KCNN2: variants seen among roughly 807,000 people sequenced by gnomAD.
KCNN2 encodes the protein potassium calcium-activated channel subfamily N member 2.
Under a neutral mutation model 55.5 loss-of-function variants are expected in KCNN2, and 24 were observed. That is an observed-to-expected ratio of 0.43 (90% confidence interval 0.31 to 0.61). The LOEUF (loss-of-function observed/expected upper bound fraction) is 0.61. KCNN2 is among the 20% of genes least tolerant of loss of function. The pLI, the probability that KCNN2 is intolerant of heterozygous loss-of-function variation, is 0.08. For synonymous variants in KCNN2, 431 were observed against 336.1 expected (o/e 1.28, Z -3.09); for missense variants, 754 against 853.6 (o/e 0.88, Z 1.45).
intron 2 of KCNN2, among the ~76,000 whole-genome samples, chr5:114,228,873 G>A (rs938934059): frequency 4.6e-5 from 7 of 151,744 alleles, no homozygotes; most frequent in East Asian, 3.9e-4. Flanking sequence ...CTTTAAAAGC[G>A]TTTTGCTTTC....
intron 1 of KCNN2, among the ~76,000 whole-genome samples, chr5:114,084,204 G>A (rs1482148246): frequency 1.3e-5 from 2 of 152,048 alleles, no homozygotes; most frequent in Non-Finnish European, 2.9e-5. Context: ...GTAGAAGCAT[G>A]ATTACTGTAT....
In KCNN2 at chr5:114,363,002, C is replaced by A; in HGVS notation, c.863C>A (p.Ser288Tyr). The change falls in exon 1 of 8, where the codon TCC becomes TAC. Residue 288 changes from serine to tyrosine, a missense_variant. Transcript: ENST00000673685. The part of the protein sequence containing the change: ...IVVSKPEHNN[S>Y]NNLALYGTGG... ...GTGTCTAAGCCCGAGCACAACAACT[C>A]CAACAACCTGGCGCTCTATGGAACC... is the stretch of plus-strand genomic sequence containing the variant. 1.3e-6 allele frequency: 2 copies of A among 1,596,412 alleles called. No homozygotes were observed. Among genetic ancestry groups the A allele is most frequent in the South Asian group, 1.1e-5 (1 of 90,140 alleles).
intron 3 of KCNN2, among the ~76,000 whole-genome samples, chr5:114,460,857 A>G (rs549358808): frequency 6.6e-6 from 1 of 152,328 alleles, no homozygotes; most frequent in South Asian, 2.1e-4. Flanking sequence ...GTATCACATC[A>G]GTGTATGAAT....
At chr5:114,289,178 C>G (rs2150016684) in intron 2 of KCNN2, among the ~76,000 whole-genome samples, 1 of 152,178 alleles carries the variant, frequency 6.6e-6, no homozygotes, top group East Asian at 1.9e-4. Flanking sequence ...TATTTCTGAA[C>G]TCTTAGTTCT....
chr5:114,432,586 TGAG>T (rs1213088810), intron 3 of KCNN2, among the ~76,000 whole-genome samples: 3 of 152,190 alleles, frequency 2.0e-5, no homozygotes, highest in Non-Finnish European at 2.9e-5. Flanking sequence ...TGGTGGCACT[TGAG>T]GAGCCCTTCA....
intron 2 of KCNN2, among the ~76,000 whole-genome samples, chr5:114,246,476 GT>G (rs1417740057): frequency 6.6e-6 from 1 of 152,006 alleles, no homozygotes; most frequent in Non-Finnish European, 1.5e-5. Flanking sequence ...GAACTTTATT[GT>G]TTATAGAGTA....
At chr5:114,432,702 C>T (rs933071671) in intron 3 of KCNN2, among the ~76,000 whole-genome samples, 24 of 152,154 alleles carry the variant, frequency 1.6e-4, no homozygotes, top group African/African-American at 3.1e-4. Flanking sequence ...GAGCGGGAAC[C>T]GGGGCTGTGC....
At chr5:114,241,548 T>G (rs900285574) in intron 2 of KCNN2, among the ~76,000 whole-genome samples, 3 of 151,296 alleles carry the variant, frequency 2.0e-5, no homozygotes, top group African/African-American at 4.8e-5. Context: ...TTAATTCACC[T>G]TTTAAAGGAC....
chr5:114,180,273 A>G (rs1753214691), intron 1 of KCNN2, among the ~76,000 whole-genome samples: 1 of 152,148 alleles, frequency 6.6e-6, no homozygotes, highest in Non-Finnish European at 1.5e-5. Flanking sequence ...TTCAGTCACT[A>G]CTACCGAGTC....
intron 2 of KCNN2, among the ~76,000 whole-genome samples, chr5:114,282,713 C>T (rs1755647984): frequency 6.6e-6 from 1 of 152,062 alleles, no homozygotes; most frequent in Non-Finnish European, 1.5e-5. Context: ...AGAGAGAGCT[C>T]TGTCTTCTTT....
intron 3 of KCNN2, among the ~76,000 whole-genome samples, chr5:114,452,980 C>A (rs1326958521): frequency 6.6e-6 from 1 of 152,096 alleles, no homozygotes; most frequent in Non-Finnish European, 1.5e-5. Context: ...GGAAGGAGAC[C>A]ATTTATCAGA....
chr5:114,082,367 T>A, intron 1 of KCNN2, among the ~76,000 whole-genome samples: 1 of 150,772 alleles, frequency 6.6e-6, no homozygotes, highest in East Asian at 1.9e-4. Flanking sequence ...TACTAGTCAC[T>A]AGGGAAATGT....
At chr5:114,364,846 C>T (rs1052988603) in intron 2 of KCNN2, among the ~76,000 whole-genome samples, 5 of 151,344 alleles carry the variant, frequency 3.3e-5, no homozygotes, top group South Asian at 2.1e-4. Flanking sequence ...GGCGCGGTGG[C>T]TCAGTCCTGT....
chr5:114,494,978 T>G (rs1220980667), intron 7 of KCNN2, among the ~76,000 whole-genome samples: 2 of 152,188 alleles, frequency 1.3e-5, no homozygotes, highest in Non-Finnish European at 2.9e-5. Context: ...TGGGAAAGTC[T>G]GCACTAAACT....
At chr5:114,361,458 G>A (rs1469317405), upstream of KCNN2, among the ~76,000 whole-genome samples, 1 of 152,222 alleles carries the variant, frequency 6.6e-6, no homozygotes, top group East Asian at 1.9e-4. Flanking sequence ...CTGCACTGGC[G>A]CAGCCGGTCG....
At chr5:114,359,468 GCC>G (rs1290182762), upstream of KCNN2, among the ~76,000 whole-genome samples, 10 of 152,070 alleles carry the variant, frequency 6.6e-5, no homozygotes, top group African/African-American at 2.4e-4. Context: ...ATACATTTTT[GCC>G]TATTATTTTG....
At chr5:114,471,441 C>A (rs754696871) in intron 4 of KCNN2, among the ~76,000 whole-genome samples, 39 of 152,206 alleles carry the variant, frequency 2.6e-4, no homozygotes, top group Non-Finnish European at 4.1e-4. Context: ...GTGCAGCCAT[C>A]CATTTTTTTA....
chr5:114,237,753 C>T (rs1171185803), intron 2 of KCNN2, among the ~76,000 whole-genome samples: 2 of 152,124 alleles, frequency 1.3e-5, no homozygotes, highest in Non-Finnish European at 2.9e-5. Context: ...ATGCTAGCTG[C>T]AAGTGATTAA....
intron 5 of KCNN2, among the ~76,000 whole-genome samples, chr5:114,477,410 C>A (rs564554482): frequency 6.6e-6 from 1 of 152,242 alleles, no homozygotes; most frequent in African/African-American, 2.4e-5. Flanking sequence ...AAGTAAAATA[C>A]TGTATTTGAA....
Sources: gnomAD v4.1 joint callset for allele counts (sites outside exome capture counted in the v4.1 genomes callset) on GRCh38, gnomAD v4.1.1 for gene constraint, MANE v1.5 for transcripts, NCBI Gene and HGNC (gene_info 2026-07-23, HGNC 2026-07-21) for gene names.